Variants in LINGO2 observed in about 807,000 individuals in gnomAD.
The protein encoded by LINGO2 is leucine-rich repeat and immunoglobulin-like domain-containing nogo receptor-interacting protein 2.
Under a neutral mutation model 30.6 loss-of-function variants are expected in LINGO2, and 14 were observed. The observed-to-expected ratio is 0.46, with a 90% CI of 0.30 to 0.72. The LOEUF (loss-of-function observed/expected upper bound fraction) is 0.72, where lower values mean the gene tolerates loss of function less well. Ranked by LOEUF, LINGO2 falls within the 30% of genes least tolerant of loss-of-function variation. LINGO2 has a pLI of 0.07. For synonymous variants in LINGO2, 317 were observed against 288.5 expected (o/e 1.10, Z -1.00); for missense variants, 729 against 751.7 (o/e 0.97, Z 0.35).
the LINGO2 span, among the ~76,000 whole-genome samples, chr9:29,202,639 C>T: frequency 5.3e-5 from 8 of 152,060 alleles, no homozygotes; most frequent in Non-Finnish European, 7.4e-5. Flanking sequence ...TGATTATCAT[C>T]CATATTCTCA....
intron 5 of LINGO2, among the ~76,000 whole-genome samples, chr9:28,008,673 G>T (rs1260417693): frequency 6.6e-6 from 1 of 151,996 alleles, no homozygotes; most frequent in Non-Finnish European, 1.5e-5. Context: ...TTAAAAAATT[G>T]AATTTCCAAT....
the LINGO2 span, among the ~76,000 whole-genome samples, chr9:28,806,917 T>C: frequency 6.6e-6 from 1 of 151,968 alleles, no homozygotes; most frequent in Non-Finnish European, 1.5e-5. Context: ...CATATTAAAA[T>C]TGTTTCTATA....
intron 4 of LINGO2, among the ~76,000 whole-genome samples, chr9:28,193,152 T>C (rs995870478): frequency 6.6e-6 from 1 of 152,194 alleles, no homozygotes; most frequent in African/African-American, 2.4e-5. Context: ...CTGAATTTTT[T>C]TATGTTATAG....
At chr9:29,090,830 T>C in the LINGO2 span, among the ~76,000 whole-genome samples, 1 of 152,104 alleles carries the variant, frequency 6.6e-6, no homozygotes, top group Admixed American at 6.6e-5. Context: ...ATTTGCTAAG[T>C]AGGAATAATA....
At chr9:28,653,436 T>C (rs914908182) in intron 1 of LINGO2, among the ~76,000 whole-genome samples, 2 of 152,036 alleles carry the variant, frequency 1.3e-5, no homozygotes, top group Non-Finnish European at 2.9e-5. Flanking sequence ...AACCCAACAA[T>C]AAGGGGATGA....
chr9:28,948,863 A>G, the LINGO2 span, among the ~76,000 whole-genome samples: 1 of 151,916 alleles, frequency 6.6e-6, no homozygotes, highest in Non-Finnish European at 1.5e-5. Context: ...CTGGATTTCT[A>G]TTTTTACGAA....
chr9:28,062,576 C>CAATCAAATATATTTTGTATATATACAA (rs1825182363), intron 4 of LINGO2, among the ~76,000 whole-genome samples: 1 of 28,432 alleles, frequency 3.5e-5, no homozygotes, highest in Non-Finnish European at 9.4e-5. Flanking sequence ...TATATATACA[C>CAATCAAATATATTTTGTATATATACAA]AATCAAATAT....
At chr9:28,220,182 G>C (rs1401146846) in intron 4 of LINGO2, among the ~76,000 whole-genome samples, 6 of 152,162 alleles carry the variant, frequency 3.9e-5, no homozygotes, top group African/African-American at 1.4e-4. Flanking sequence ...GGACTAGAGA[G>C]TCTGGGATTT....
chr9:28,387,942 T>C (rs1281549826), intron 2 of LINGO2, among the ~76,000 whole-genome samples: 4 of 152,172 alleles, frequency 2.6e-5, no homozygotes, highest in Non-Finnish European at 4.4e-5. Flanking sequence ...GGCGAGGGTC[T>C]GCAGCTTCAT....
At chr9:28,791,931 T>C in the LINGO2 span, among the ~76,000 whole-genome samples, 2 of 151,650 alleles carry the variant, frequency 1.3e-5, no homozygotes, top group South Asian at 2.1e-4. Flanking sequence ...AAAATATATA[T>C]GATATATAAT....
At chr9:28,386,569 C>A (rs1043634516) in intron 2 of LINGO2, among the ~76,000 whole-genome samples, 8 of 152,198 alleles carry the variant, frequency 5.3e-5, no homozygotes, top group South Asian at 4.2e-4. Context: ...CTTAAAAAAA[C>A]CACAATATCT....
intron 4 of LINGO2, among the ~76,000 whole-genome samples, chr9:28,036,038 T>G (rs1187445679): frequency 6.6e-6 from 1 of 152,216 alleles, no homozygotes; most frequent in Non-Finnish European, 1.5e-5. Flanking sequence ...AGCAAAGTGC[T>G]TTGAGATTTA....
intron 1 of LINGO2, among the ~76,000 whole-genome samples, chr9:28,544,617 C>T (rs946236469): frequency 6.7e-6 from 1 of 148,324 alleles, no homozygotes; most frequent in Non-Finnish European, 1.5e-5. Flanking sequence ...TTCTTTCTCT[C>T]TGTTAAAAAG....
rs1472894517 is a variant in LINGO2 at position 28,148,202 on chromosome 9, G to A, written c.-86-135797C>T. ...GCCTTCTTTTCCAGTCAGTTGGGACGGCGCCCCTATGAGGCTGTGTCTTAT... is the reference window on the plus strand; with the variant it reads ...GCCTTCTTTTCCAGTCAGTTGGGACAGCGCCCCTATGAGGCTGTGTCTTAT... On this transcript the variant is annotated intron_variant, in intron 4 of 5. Transcript: ENST00000379992. The surrounding 1 kb of genome is among the most constrained non-coding windows in gnomAD (Gnocchi z 5.1). 1.6e-4 allele frequency: 119 copies of A among 746,756 alleles called. No homozygotes were observed. Among genetic ancestry groups the A allele is most frequent in the Non-Finnish European group, 2.0e-4 (98 of 493,596 alleles). The allele number at this position is 746,756 out of a possible 1,614,324, so 46.3% of individuals were successfully genotyped here.
chr9:28,546,574 C>A (rs1821958176), intron 1 of LINGO2, among the ~76,000 whole-genome samples: 1 of 151,966 alleles, frequency 6.6e-6, no homozygotes. Context: ...CTGGGTCAAA[C>A]AATTTCATTA....
At chr9:28,175,781 T>C (rs1029134254) in intron 4 of LINGO2, among the ~76,000 whole-genome samples, 1 of 152,188 alleles carries the variant, frequency 6.6e-6, no homozygotes, top group Non-Finnish European at 1.5e-5. Context: ...TTCACTCTTA[T>C]TACAATGTTA....
At chr9:28,261,329 C>T (rs1822557015) in intron 4 of LINGO2, among the ~76,000 whole-genome samples, 1 of 151,772 alleles carries the variant, frequency 6.6e-6, no homozygotes, top group Non-Finnish European at 1.5e-5. Context: ...TTTTTGCAGC[C>T]ATGCTTAAAT....
the LINGO2 span, among the ~76,000 whole-genome samples, chr9:28,697,419 TA>T: frequency 1.2e-4 from 18 of 152,104 alleles, no homozygotes; most frequent in South Asian, 3.5e-3. Context: ...ATATATTTTT[TA>T]AAAACCCTTT....
the LINGO2 span, among the ~76,000 whole-genome samples, chr9:28,993,140 G>C: frequency 1.3e-5 from 2 of 152,034 alleles, no homozygotes; most frequent in Non-Finnish European, 2.9e-5. Context: ...AAGAAGAAAA[G>C]AGAGAAGAAT....
Sources: allele counts gnomAD v4.1 joint callset (sites outside exome capture counted in the v4.1 genomes callset), GRCh38; gene constraint gnomAD v4.1.1; non-coding constraint Gnocchi (gnomAD v3.1); transcripts MANE v1.5; gene names NCBI Gene and HGNC (gene_info 2026-07-23, HGNC 2026-07-21).